Variants in TBC1D12 observed in about 807,000 individuals in gnomAD.
TBC1D12 encodes the protein TBC1 domain family, member 12.
Under a neutral mutation model 86.7 loss-of-function variants are expected in TBC1D12, and 56 were observed. That is an observed-to-expected ratio of 0.65 (90% CI 0.52 to 0.81). TBC1D12 has a LOEUF of 0.81. Among genes scored for constraint, TBC1D12 ranks in the 30% least tolerant of loss-of-function variants. The probability of loss-of-function intolerance (pLI) is 0.00; values close to 1 mark genes in which losing one functional copy is unlikely to be tolerated. For synonymous variants in TBC1D12, 421 were observed against 411.7 expected, an observed-to-expected ratio of 1.02 and a Z score of -0.27; for missense variants, 1,023 against 1,038.8, an observed-to-expected ratio of 0.98 and a Z score of 0.21.
At chr10:94,426,400 T>TAA (rs1464894034) in intron 1 of TBC1D12, among the ~76,000 whole-genome samples, 9 of 152,192 alleles carry the variant, frequency 5.9e-5, no homozygotes, top group African/African-American at 2.2e-4. Flanking sequence ...TTTATTAGTA[T>TAA]TGCCAAATGA....
At chr10:94,486,899 G>C (rs1362264696) in intron 3 of TBC1D12, among the ~76,000 whole-genome samples, 1 of 152,194 alleles carries the variant, frequency 6.6e-6, no homozygotes, top group African/African-American at 2.4e-5. Context: ...TGAGTGCTGA[G>C]AGTGGTGTGT....
intron 11 of TBC1D12, among the ~76,000 whole-genome samples, chr10:94,524,687 C>T (rs1187248233): frequency 6.8e-6 from 1 of 146,054 alleles, no homozygotes; most frequent in Non-Finnish European, 1.5e-5. Context: ...TGCAGTGAGT[C>T]GAGATCGCGC....
chr10:94,487,104 T>C (rs1205774096), intron 3 of TBC1D12, among the ~76,000 whole-genome samples: 1 of 152,202 alleles, frequency 6.6e-6, no homozygotes, highest in African/African-American at 2.4e-5. Context: ...AAGTCTATTA[T>C]GTCTGACATA....
intron 1 of TBC1D12, among the ~76,000 whole-genome samples, chr10:94,417,910 G>C (rs770515312): frequency 1.6e-4 from 25 of 151,986 alleles, no homozygotes; most frequent in Non-Finnish European, 3.4e-4. Context: ...CACCACGGCT[G>C]CCTAATTATT....
intron 2 of TBC1D12, among the ~76,000 whole-genome samples, chr10:94,466,489 T>C (rs973557449): frequency 6.6e-5 from 10 of 152,106 alleles, no homozygotes; most frequent in Middle Eastern, 3.2e-3. Flanking sequence ...GCATTTTAAT[T>C]CTTACTGAAA....
chr10:94,409,374 CT>C lies in TBC1D12; in HGVS notation c.971+5810del, dbSNP rs71306819. Among the ~76,000 whole-genome samples the C allele has an allele frequency of 8.0e-3, 1,000 of 125,388 alleles. 8 individuals are homozygous for C. The highest frequency in any genetic ancestry group is 0.019 in the African/African-American group (627 of 33,686). 82.3% of individuals were successfully genotyped at this position (125,388 alleles called of 152,430 possible). On this transcript the variant is annotated intron_variant, in intron 1 of 12. Coordinates refer to ENST00000225235, the MANE Select transcript of TBC1D12 (RefSeq NM_015188.2). ...ACTTTGAAGTGCTAAATTAAATTAA[CT>C]TTTTTTTTTTTTTTTTTTTGAGACA...
At chr10:94,442,170 G>A in intron 2 of TBC1D12, 151 bp downstream of exon 2, 1 of 779,878 alleles carries the variant, frequency 1.3e-6, no homozygotes. Context: ...GTATTTATAG[G>A]GACCTGCTAA....
chr10:94,406,971 A>G (rs1300701576), intron 1 of TBC1D12, among the ~76,000 whole-genome samples: 2 of 151,754 alleles, frequency 1.3e-5, no homozygotes, highest in Non-Finnish European at 2.9e-5. Context: ...CCACCTATTT[A>G]TCCTCCATGC....
intron 2 of TBC1D12, among the ~76,000 whole-genome samples, chr10:94,458,770 C>T (rs556573569): frequency 1.3e-5 from 2 of 152,094 alleles, no homozygotes; most frequent in East Asian, 1.9e-4. Flanking sequence ...TGGAGTTGTT[C>T]GTTCCTTCCA....
chr10:94,533,173 C>A lies in TBC1D12; in HGVS notation c.*77C>A. On this transcript the variant is annotated 3_prime_UTR_variant, in exon 13 of 13. Coordinates refer to ENST00000225235, the MANE Select transcript of TBC1D12 (RefSeq NM_015188.2). Reference sequence around the variant, plus strand: ...GGTTTTTTGTTTCCTATGTAAAAGGCGTGGAAGAAAATGTTGGAGATACCT... The same window carrying A: ...GGTTTTTTGTTTCCTATGTAAAAGGAGTGGAAGAAAATGTTGGAGATACCT... 2 of 852,682 alleles carry A rather than the reference C, an allele frequency of 2.3e-6. No individual in the cohort carries two copies. Among genetic ancestry groups the A allele is most frequent in the South Asian group, 3.5e-5 (2 of 56,822 alleles). 52.8% of individuals were successfully genotyped at this position (852,682 alleles called of 1,614,324 possible).
rs1366919801 is a variant in TBC1D12 at position 94,535,415 on chromosome 10, T to C, written c.*2319T>C. 1 of 152,152 alleles carries C rather than the reference T, an allele frequency of 6.6e-6. No individual in the cohort carries two copies. Among genetic ancestry groups the C allele is most frequent in the Non-Finnish European group, 1.5e-5 (1 of 68,026 alleles). The allele number at this position is 152,152 out of a possible 1,614,324, so 9.4% of individuals were successfully genotyped here. A position where few individuals can be genotyped will look rare whatever the true frequency, so the allele number is the denominator to read the frequency against. ...CTATTTCTGTTAGTGTATATAGTTT[T>C]CAAACTAACAAGCCTGCGATCCTTG... On this transcript the variant is annotated 3_prime_UTR_variant, in exon 13 of 13. Coordinates refer to ENST00000225235, the MANE Select transcript of TBC1D12 (RefSeq NM_015188.2).
At chr10:94,490,362 A>G (rs2056229913) in intron 3 of TBC1D12, among the ~76,000 whole-genome samples, 1 of 152,220 alleles carries the variant, frequency 6.6e-6, no homozygotes, top group Non-Finnish European at 1.5e-5. Flanking sequence ...GCTTGACATT[A>G]GGGTTGCTAC....
At position 94,441,708 on chromosome 10, in the gene TBC1D12, A is replaced by G. The variant is rs529232427; in HGVS notation, c.972-188A>G. 2.0e-5 allele frequency among the ~76,000 whole-genome samples: 3 copies of G among 152,300 alleles called. No individual in the cohort carries two copies. In the South Asian group the frequency reaches 6.2e-4, roughly 32 times the overall value. On this transcript the variant is annotated intron_variant, in intron 1 of 12. Transcript: ENST00000225235. Reference sequence around the variant, plus strand: ...TATCTAGGTTTTAATCCCTGCATGCATTAGGTATTAAGCTACATATTCTTA... The same window carrying G: ...TATCTAGGTTTTAATCCCTGCATGCGTTAGGTATTAAGCTACATATTCTTA...
chr10:94,444,733 CTT>C (rs528326665), intron 2 of TBC1D12, among the ~76,000 whole-genome samples: 12 of 138,742 alleles, frequency 8.6e-5, no homozygotes, highest in Non-Finnish European at 9.4e-5. Flanking sequence ...CTCACATTCT[CTT>C]TTTTTTTTTT....
intron 2 of TBC1D12, among the ~76,000 whole-genome samples, chr10:94,464,300 G>A (rs543721733): frequency 1.3e-5 from 2 of 151,648 alleles, no homozygotes; most frequent in East Asian, 3.9e-4. Flanking sequence ...TATTTCTTCT[G>A]GTCTTTCACT....
intron 3 of TBC1D12, among the ~76,000 whole-genome samples, chr10:94,479,248 A>C (rs568024442): frequency 6.6e-6 from 1 of 152,318 alleles, no homozygotes; most frequent in South Asian, 2.1e-4. Flanking sequence ...CAAAAGAAAA[A>C]AATAATATTA....
intron 4 of TBC1D12, among the ~76,000 whole-genome samples, chr10:94,496,714 A>G (rs189739596): frequency 1.3e-5 from 2 of 152,268 alleles, no homozygotes; most frequent in East Asian, 3.9e-4. Context: ...AATTATGTTA[A>G]TAACTGGGCA....
rs1406392636 is a variant in TBC1D12, at chr10:94,426,991, G to A, written c.972-14905G>A. 5.3e-5 allele frequency among the ~76,000 whole-genome samples: 8 copies of A among 152,230 alleles called. No homozygotes were observed. The East Asian group carries it at 7.7e-4, about 15-fold the overall frequency. On this transcript the variant is annotated intron_variant, in intron 1 of 12. Coordinates refer to ENST00000225235, the MANE Select transcript of TBC1D12 (RefSeq NM_015188.2). ...GTTTTCAGCACATTCACAGAGTTGT[G>A]CAACTATCACCCTAATCAATTTTAG... is the stretch of plus-strand genomic sequence containing the variant.
chr10:94,503,839 G>T (rs973803395), intron 6 of TBC1D12, among the ~76,000 whole-genome samples: 1 of 152,158 alleles, frequency 6.6e-6, no homozygotes, highest in African/African-American at 2.4e-5. Context: ...TGGCCAGGCT[G>T]GTCTCGAACT....
Sources: gnomAD v4.1 joint callset for allele counts (sites outside exome capture counted in the v4.1 genomes callset) on GRCh38, gnomAD v4.1.1 for gene constraint, MANE v1.5 for transcripts, NCBI Gene and HGNC (gene_info 2026-07-23, HGNC 2026-07-21) for gene names.